Variants in EDIL3 observed in about 807,000 individuals in gnomAD.
The protein encoded by EDIL3 is EGF like and discoidin domains 3, also known as EGF-like repeat and discoidin I-like domain-containing protein 3.
A neutral mutation model predicts 67.4 loss-of-function variants in EDIL3; 37 were observed. That is an observed-to-expected ratio of 0.55 (90% CI 0.42 to 0.72). EDIL3 has a LOEUF of 0.72. Among genes scored for constraint, EDIL3 ranks in the 30% least tolerant of loss-of-function variants. EDIL3 has a pLI of 0.00. For synonymous variants in EDIL3, 195 were observed against 196.3 expected (o/e 0.99, Z 0.05); for missense variants, 527 against 586.3 (o/e 0.90, Z 1.04).
intron 1 of EDIL3, among the ~76,000 whole-genome samples, chr5:84,264,831 T>C (rs1745314998): frequency 6.6e-6 from 1 of 152,196 alleles, no homozygotes; most frequent in African/African-American, 2.4e-5. Context: ...AAACTCATAC[T>C]GACTTTATAA....
chr5:83,948,976 G>A (rs1744361113), intron 10 of EDIL3, among the ~76,000 whole-genome samples: 1 of 151,770 alleles, frequency 6.6e-6, no homozygotes, highest in African/African-American at 2.4e-5. Context: ...AAGGAAACAA[G>A]AAATTCATTT....
Position 84,363,076 on chromosome 5 carries a change from C to A in EDIL3, c.67+21232G>T, listed in dbSNP as rs1016002464. 4.2e-3 allele frequency among the ~76,000 whole-genome samples: 631 copies of A among 151,944 alleles called. 4 individuals are homozygous for A. The highest frequency in any genetic ancestry group is 4.7e-3 in the Non-Finnish European group (321 of 67,950). On this transcript the variant is annotated intron_variant, in intron 1 of 10. Coordinates refer to ENST00000296591, the MANE Select transcript of EDIL3 (RefSeq NM_005711.5). The stretch of plus-strand genomic sequence containing the variant: ...GTATTTATTCTACTTTAAGTATATA[C>A]CTTTATAATAAAGTATTAATAACTT...
intron 1 of EDIL3, among the ~76,000 whole-genome samples, chr5:84,269,811 A>C (rs1745426980): frequency 1.3e-5 from 2 of 152,214 alleles, no homozygotes. Flanking sequence ...ATCAGTAGAC[A>C]CTAAAGAGTT....
At chr5:84,144,863 CA>C (rs3836852) in intron 4 of EDIL3, among the ~76,000 whole-genome samples, 5,835 of 152,116 alleles carry the variant, frequency 0.038, 283 homozygotes, top group African/African-American at 0.11. Flanking sequence ...TCTTAATAAT[CA>C]ACCATTTTGG....
intron 9 of EDIL3, among the ~76,000 whole-genome samples, chr5:84,039,289 C>T (rs911640845): frequency 2.0e-5 from 3 of 152,002 alleles, no homozygotes; most frequent in South Asian, 2.1e-4. Flanking sequence ...ATGCTGAGTT[C>T]CTATATAATA....
chr5:84,359,086 C>T (rs963829362), intron 1 of EDIL3, among the ~76,000 whole-genome samples: 6 of 152,120 alleles, frequency 3.9e-5, no homozygotes, highest in African/African-American at 1.4e-4. Flanking sequence ...GTTATTACTG[C>T]TCCGTCCCAC....
intron 1 of EDIL3, among the ~76,000 whole-genome samples, chr5:84,254,951 G>T (rs562016507): frequency 6.6e-6 from 1 of 152,278 alleles, no homozygotes; most frequent in African/African-American, 2.4e-5. Flanking sequence ...ATTTTATGTA[G>T]TGTGTAACAA....
chr5:84,256,780 G>C (rs900783660), intron 1 of EDIL3, among the ~76,000 whole-genome samples: 1 of 152,002 alleles, frequency 6.6e-6, no homozygotes, highest in South Asian at 2.1e-4. Flanking sequence ...GTTGGGCCGA[G>C]GGAAAAAGGA....
At chr5:84,220,800 G>C (rs1744326583) in intron 3 of EDIL3, among the ~76,000 whole-genome samples, 1 of 152,168 alleles carries the variant, frequency 6.6e-6, no homozygotes, top group Non-Finnish European at 1.5e-5. Flanking sequence ...TCCAGCCAGA[G>C]TGATCTTGGG....
intron 10 of EDIL3, among the ~76,000 whole-genome samples, chr5:83,953,084 A>G (rs1238476846): frequency 6.6e-6 from 1 of 151,820 alleles, no homozygotes; most frequent in Admixed American, 6.6e-5. Flanking sequence ...CTAGGCACAG[A>G]AAGTAGTCAT....
chr5:84,233,274 C>T (rs190240001), intron 2 of EDIL3, among the ~76,000 whole-genome samples: 3 of 152,224 alleles, frequency 2.0e-5, no homozygotes, highest in Non-Finnish European at 2.9e-5. Context: ...GTTAAAATGC[C>T]CCACACCTAC....
chr5:84,013,087 C>T (rs950681654), intron 9 of EDIL3, among the ~76,000 whole-genome samples: 1 of 151,808 alleles, frequency 6.6e-6, no homozygotes, highest in Non-Finnish European at 1.5e-5. Flanking sequence ...ACTTTCTAAG[C>T]TTTCAAACAA....
At chr5:84,037,581 T>TA (rs1206145638) in intron 9 of EDIL3, among the ~76,000 whole-genome samples, 5 of 152,188 alleles carry the variant, frequency 3.3e-5, no homozygotes, top group South Asian at 2.1e-4. Context: ...GTATATTTTT[T>TA]AAAAAAACAA....
At chr5:84,002,087 C>G (rs946924031) in intron 9 of EDIL3, among the ~76,000 whole-genome samples, 5 of 151,970 alleles carry the variant, frequency 3.3e-5, no homozygotes, top group Admixed American at 2.6e-4. Flanking sequence ...TCATAATGAC[C>G]AAGTGGGATT....
At chr5:84,293,778 T>G in intron 1 of EDIL3, among the ~76,000 whole-genome samples, 1 of 150,608 alleles carries the variant, frequency 6.6e-6, no homozygotes, top group Middle Eastern at 3.5e-3. Flanking sequence ...GGATTAAGAC[T>G]GTTTTTTTTT....
At chr5:84,197,429 C>T (rs1420956459) in intron 3 of EDIL3, among the ~76,000 whole-genome samples, 1 of 151,770 alleles carries the variant, frequency 6.6e-6, no homozygotes, top group African/African-American at 2.4e-5. Context: ...TGTATGACGA[C>T]TCAAAGTTAA....
intron 9 of EDIL3, among the ~76,000 whole-genome samples, chr5:84,006,860 G>A (rs565319209): frequency 1.3e-5 from 2 of 151,926 alleles, no homozygotes; most frequent in South Asian, 2.1e-4. Context: ...CTTATTTAAA[G>A]CAAAGAAACT....
intron 1 of EDIL3, among the ~76,000 whole-genome samples, chr5:84,297,654 T>C (rs538769853): frequency 8.5e-5 from 13 of 152,292 alleles, no homozygotes; most frequent in African/African-American, 3.1e-4. Context: ...GCCCCCGAGC[T>C]CTGGGAGCCC....
intron 1 of EDIL3, among the ~76,000 whole-genome samples, chr5:84,369,300 C>A (rs1397927281): frequency 6.6e-6 from 1 of 151,622 alleles, no homozygotes; most frequent in African/African-American, 2.4e-5. Flanking sequence ...TACATATATA[C>A]ATACATACCA....
Sources: allele counts gnomAD v4.1 joint callset (sites outside exome capture counted in the v4.1 genomes callset), GRCh38; gene constraint gnomAD v4.1.1; transcripts MANE v1.5; gene names NCBI Gene and HGNC (gene_info 2026-07-23, HGNC 2026-07-21).